Variants in SLC26A3 observed in about 807,000 individuals in gnomAD.
SLC26A3 encodes solute carrier family 26 member 3, also known as chloride anion exchanger.
SLC26A3 carries 64 observed loss-of-function variants against 85.6 expected under a neutral mutation model. The observed-to-expected ratio is 0.75, with a 90% CI of 0.61 to 0.92. The LOEUF (loss-of-function observed/expected upper bound fraction) is 0.92. Ranked by LOEUF, SLC26A3 falls within the 40% of genes least tolerant of loss-of-function variation. The probability of loss-of-function intolerance (pLI) is 0.00; values close to 1 mark genes in which losing one functional copy is unlikely to be tolerated. For synonymous variants in SLC26A3, 349 were observed against 336.0 expected (o/e 1.04, Z -0.42); for missense variants, 922 against 927.3 (o/e 0.99, Z 0.07).
At chr7:107,793,126 A>C (rs1330814381) in intron 3 of SLC26A3, among the ~76,000 whole-genome samples, 1 of 152,234 alleles carries the variant, frequency 6.6e-6, no homozygotes, top group African/African-American at 2.4e-5. Context: ...GAACCCTCAT[A>C]CACTGCTAGT....
In SLC26A3 at chr7:107,794,481, A is replaced by G. The variant is rs752391046; in HGVS notation, c.29T>C (p.Ile10Thr). 136 of 1,613,950 alleles carry G rather than the reference A, an allele frequency of 8.4e-5. No homozygotes were observed. Among genetic ancestry groups the G allele is most frequent in the Non-Finnish European group, 1.1e-4 (133 of 1,179,944 alleles). ...TGTAGAATACACTGGCCTGGCCACA[A>G]TATACTGATTCCCAAAGGGTTCAAT... is the stretch of plus-strand genomic sequence containing the variant. Reference protein sequence around the residue: MIEPFGNQYIVARPVYSTNA... With the variant: MIEPFGNQYTVARPVYSTNA... The change falls in exon 2 of 21, where the codon ATT (isoleucine) becomes ACT (threonine). Residue 10 changes from isoleucine (I) to threonine (T), a missense_variant. Physicochemically the swap from Ile to Thr is moderately conservative, Grantham distance 89. Transcript: ENST00000340010.
intron 1 of SLC26A3, among the ~76,000 whole-genome samples, chr7:107,796,124 A>G (rs977319553): frequency 3.3e-4 from 47 of 141,516 alleles, no homozygotes; most frequent in Non-Finnish European, 5.9e-4. Context: ...TATTATTATT[A>G]TTAGAGACAG....
intron 16 of SLC26A3, among the ~76,000 whole-genome samples, chr7:107,774,552 T>G (rs1794079917): frequency 1.3e-5 from 2 of 152,190 alleles, no homozygotes; most frequent in Non-Finnish European, 2.9e-5. Flanking sequence ...AGACACTGTC[T>G]CAAACAACAA....
Position 107,802,090 on chromosome 7 carries a change from T to C in SLC26A3, c.-89+1021A>G, listed in dbSNP as rs558483379. 1.5e-3 allele frequency among the ~76,000 whole-genome samples: 182 copies of C among 123,036 alleles called. 1 individual carries two copies. Among genetic ancestry groups the C allele is most frequent in the African/African-American group, 5.6e-3 (178 of 31,934 alleles). 80.7% of individuals were successfully genotyped at this position (123,036 alleles called of 152,430 possible). On this transcript the variant is annotated intron_variant, in intron 1 of 20. Transcript: ENST00000340010. ...CTGGGCGACAGAGTGAGAATCCGTC[T>C]CAGAAAAAAAAAAAAAAAAAGGAAT...
intron 5 of SLC26A3, among the ~76,000 whole-genome samples, chr7:107,790,706 A>G (rs2115871793): frequency 6.6e-6 from 1 of 152,276 alleles, no homozygotes; most frequent in Middle Eastern, 3.4e-3. Flanking sequence ...TCTTGTATAC[A>G]GTTATGTTTC....
chr7:107,776,669 TG>T lies in SLC26A3; in HGVS notation c.1551del (p.Asn518ThrfsTer18). On this transcript the variant is annotated frameshift_variant, in exon 14 of 21. Coordinates refer to ENST00000340010, the MANE Select transcript of SLC26A3 (RefSeq NM_000111.3). LOFTEE classifies it high-confidence loss of function. ...TAATCTTTTTTATTCTTATAGATGT[TG>T]GTTCTTCCAATATTAGCCAGCGTGC... ...KCSTLANIGR[T>X]NIYKNKKDYY... is the part of the protein sequence containing the mutation. 6.2e-7 allele frequency: 1 copy of T among 1,613,976 alleles called. No homozygotes were observed.
At position 107,772,037 on chromosome 7, in the gene SLC26A3, AAAAT is replaced by A. The variant is rs1328753921; in HGVS notation, c.2062+13_2062+16del. The A allele has an allele frequency of 1.0e-5, 16 of 1,598,862 alleles. No individual in the cohort carries two copies. Among genetic ancestry groups the A allele is most frequent in the African/African-American group, 8.0e-5 (6 of 74,610 alleles). ...GAAGTGATTGTCAGAACATAAAACA[AAAAT>A]AAAGCCACTTACCATCAGTTCCAAC... On this transcript the variant is annotated intron_variant, in intron 18 of 20. Coordinates refer to ENST00000340010, the MANE Select transcript of SLC26A3 (RefSeq NM_000111.3).
Position 107,778,200 on chromosome 7 carries a change from G to A in SLC26A3, c.1489C>T (p.Leu497=), listed in dbSNP as rs1794152385. ...GLAASVAFQL[L]TIVFRTQFPK... is the part of the protein sequence containing the mutation. The stretch of plus-strand genomic sequence containing the variant: ...AATTGGGTCCTGAACACGATGGTTA[G>A]CAGTTGAAATGCCACACTAGCTGCC... The change falls in exon 13 of 21, where the codon CTA becomes TTA. Residue 497 remains leucine, a synonymous_variant. Transcript: ENST00000340010. 4.3e-6 allele frequency: 7 copies of A among 1,613,410 alleles called. 1 individual carries two copies. Among genetic ancestry groups the A allele is most frequent in the South Asian group, 2.2e-5 (2 of 91,024 alleles).
At chr7:107,777,696 G>C (rs1199690046) in intron 13 of SLC26A3, among the ~76,000 whole-genome samples, 1 of 152,142 alleles carries the variant, frequency 6.6e-6, no homozygotes, top group East Asian at 1.9e-4. Context: ...TTTAAGGTAA[G>C]AGGGGCCTTT....
intron 18 of SLC26A3, among the ~76,000 whole-genome samples, chr7:107,770,000 C>CTTGCTTTCTT (rs1306096940): frequency 1.5e-5 from 2 of 130,994 alleles, no homozygotes; most frequent in Non-Finnish European, 3.3e-5. Flanking sequence ...TTCCTTTTTT[C>CTTGCTTTCTT]TCTTTCTTTC....
Position 107,765,640 on chromosome 7 carries a change from GATA to G in SLC26A3, c.*212_*214del. ...ATGAACAAAATAATTTTCACCCTTT[GATA>G]AAGCTACAAGATATAAAATTTAGAA... On this transcript the variant is annotated 3_prime_UTR_variant, in exon 21 of 21. Coordinates refer to ENST00000340010, the MANE Select transcript of SLC26A3 (RefSeq NM_000111.3). The G allele has an allele frequency of 2.0e-6, 1 of 507,110 alleles. No homozygotes were observed. The highest frequency in any genetic ancestry group is 3.5e-6 in the Non-Finnish European group (1 of 285,798). The allele number at this position is 507,110 out of a possible 1,614,324, so 31.4% of individuals were successfully genotyped here. A position where few individuals can be genotyped will look rare whatever the true frequency, so the allele number is the denominator to read the frequency against.
At chr7:107,798,572 G>A (rs954866183) in intron 1 of SLC26A3, among the ~76,000 whole-genome samples, 3 of 152,118 alleles carry the variant, frequency 2.0e-5, no homozygotes, top group Non-Finnish European at 4.4e-5. Context: ...GCTGATGAGC[G>A]GTGCTAGGAT....
At chr7:107,767,480 G>T in intron 20 of SLC26A3, 99 bp downstream of exon 20, 2 of 867,624 alleles carry the variant, frequency 2.3e-6, no homozygotes, top group East Asian at 2.5e-5. Flanking sequence ...TCAAGCAAGT[G>T]CTGGACTTTC....
chr7:107,783,731 A>G (rs1794247878), intron 8 of SLC26A3, among the ~76,000 whole-genome samples: 1 of 152,258 alleles, frequency 6.6e-6, no homozygotes, highest in African/African-American at 2.4e-5. Context: ...TTATCCATAC[A>G]TGAAGTCCTT....
intron 9 of SLC26A3, 33 bp downstream of exon 9, chr7:107,783,172 C>T (rs746174317): frequency 1.2e-6 from 2 of 1,613,962 alleles, no homozygotes; most frequent in Non-Finnish European, 8.5e-7. Context: ...TTTAAAGTTG[C>T]CCAGTGAGAC....
chr7:107,794,250 G>A (rs1277655596), intron 2 of SLC26A3, 129 bp downstream of exon 2: 9 of 1,094,878 alleles, frequency 8.2e-6, no homozygotes, highest in Non-Finnish European at 1.1e-5. Flanking sequence ...TAGGAGGTTT[G>A]GAAACTAAAG....
At position 107,767,823 on chromosome 7, in the gene SLC26A3, A is replaced by G; in HGVS notation, c.2148T>C (p.Ala716=). 1 of 1,613,758 alleles carries G rather than the reference A, an allele frequency of 6.2e-7. No individual in the cohort carries two copies. Among genetic ancestry groups the G allele is most frequent in the South Asian group, 1.1e-5 (1 of 91,082 alleles). The change falls in exon 19 of 21, where the codon GCT becomes GCC. Residue 716 remains alanine, a synonymous_variant. Transcript: ENST00000340010. Reference sequence around the variant, plus strand: ...CTTTCTTCATCAAAATATGCAAAACAGCATCATGGATTGTTAAGAAAAATA... The same window carrying G: ...CTTTCTTCATCAAAATATGCAAAACGGCATCATGGATTGTTAAGAAAAATA... The part of the protein sequence containing the change: ...SSIFFLTIHD[A]VLHILMKKDY...
At chr7:107,798,196 A>G (rs1161655190) in intron 1 of SLC26A3, among the ~76,000 whole-genome samples, 1 of 150,310 alleles carries the variant, frequency 6.7e-6, no homozygotes, top group Non-Finnish European at 1.5e-5. Flanking sequence ...ATACCTACAT[A>G]TCTTGGTGCT....
intron 20 of SLC26A3, among the ~76,000 whole-genome samples, chr7:107,766,658 C>A (rs985241034): frequency 1.3e-5 from 2 of 152,108 alleles, no homozygotes; most frequent in South Asian, 2.1e-4. Flanking sequence ...TTTTTTGAGA[C>A]CTTTCAACTA....
Sources: gnomAD v4.1 joint callset for allele counts (sites outside exome capture counted in the v4.1 genomes callset) on GRCh38, gnomAD v4.1.1 for gene constraint, MANE v1.5 for transcripts, NCBI Gene and HGNC (gene_info 2026-07-23, HGNC 2026-07-21) for gene names.